The following DMD variants were observed in gnomAD, a reference collection of about 807,000 sequenced individuals.
DMD encodes the protein mutant dystrophin.
In DMD, 63 loss-of-function variants were observed where a neutral mutation model predicts 330.1. The ratio of observed to expected loss-of-function variants is 0.19; its 90% CI spans 0.16 to 0.24. The LOEUF is 0.24. DMD is among the 10% of genes least tolerant of loss of function. The probability of loss-of-function intolerance (pLI) is 1.00; values close to 1 mark genes in which losing one functional copy is unlikely to be tolerated. For synonymous variants in DMD, 1,223 were observed against 959.8 expected (o/e 1.27, Z -5.07); for missense variants, 3,344 against 2,684.1 (o/e 1.25, Z -5.43).
At chrX:32,240,702 T>G (rs2097205117) in intron 43 of DMD, among the ~76,000 whole-genome samples, 2 of 111,474 alleles carry the variant, frequency 1.8e-5, no homozygotes, top group African/African-American at 6.5e-5. Flanking sequence ...ATGTTGACTT[T>G]AACTTAATCC....
intron 44 of DMD, among the ~76,000 whole-genome samples, chrX:32,210,938 T>C (rs2097091518): frequency 8.9e-6 from 1 of 111,992 alleles, no homozygotes; most frequent in Non-Finnish European, 1.9e-5. Context: ...TCCAACTCCA[T>C]TGTGCTCTCT....
intron 9 of DMD, among the ~76,000 whole-genome samples, chrX:32,693,350 C>A (rs2063420199): frequency 1.8e-5 from 2 of 111,995 alleles, no homozygotes; most frequent in African/African-American, 6.5e-5. Context: ...GTTGTTGCAT[C>A]AAAAATCGAA....
At chrX:32,119,479 G>A (rs956482356) in intron 44 of DMD, among the ~76,000 whole-genome samples, 1 of 111,224 alleles carries the variant, frequency 9.0e-6, no homozygotes, top group East Asian at 2.8e-4. Context: ...CTCCTAGTGC[G>A]GTTGTATGCT....
At chrX:32,963,634 C>G (rs911775453) in intron 2 of DMD, among the ~76,000 whole-genome samples, 16 of 112,235 alleles carry the variant, frequency 1.4e-4, no homozygotes, top group African/African-American at 4.5e-4. Context: ...TTACTGCTTC[C>G]TTGTTAACGC....
chrX:32,655,636 C>A lies in DMD; in HGVS notation c.961-10484G>T, dbSNP rs140629188. The stretch of plus-strand genomic sequence containing the variant: ...ATCTGTTGATTAGGGGTGGAGAGTT[C>A]TGTAGATGTCTATGAGGTCCGCTTG... On this transcript the variant is annotated intron_variant, in intron 9 of 78. Transcript: ENST00000357033. Among the ~76,000 whole-genome samples, 319 of 111,906 alleles carry A rather than the reference C, an allele frequency of 2.9e-3. 1 individual carries two copies. Among genetic ancestry groups the A allele is most frequent in the African/African-American group, 8.3e-3 (257 of 30,834 alleles).
intron 44 of DMD, among the ~76,000 whole-genome samples, chrX:32,215,729 C>T (rs2097109951): frequency 9.0e-6 from 1 of 111,240 alleles, no homozygotes; most frequent in Admixed American, 9.5e-5. Context: ...GCAGAAACCC[C>T]ATTATGCTAC....
At chrX:32,801,286 C>G (rs1400611202) in intron 7 of DMD, among the ~76,000 whole-genome samples, 1 of 111,553 alleles carries the variant, frequency 9.0e-6, no homozygotes, top group Admixed American at 9.5e-5. Flanking sequence ...TGATGATGAA[C>G]TTTTTTTTCA....
intron 62 of DMD, among the ~76,000 whole-genome samples, chrX:31,309,542 A>C (rs143572803): frequency 0.011 from 1,191 of 111,553 alleles, 16 homozygotes; most frequent in African/African-American, 0.036. Context: ...TTTAAACTAA[A>C]ATAAACACAA....
At chrX:31,693,757 C>G (rs1004995828) in intron 52 of DMD, among the ~76,000 whole-genome samples, 1 of 111,496 alleles carries the variant, frequency 9.0e-6, no homozygotes, top group South Asian at 3.7e-4. Context: ...CTATAAGACA[C>G]TGACGAAAGA....
At chrX:33,157,831 C>G (rs2048580697) in intron 1 of DMD, among the ~76,000 whole-genome samples, 2 of 111,792 alleles carry the variant, frequency 1.8e-5, no homozygotes, top group Admixed American at 1.9e-4. Context: ...GTGGCACACT[C>G]CTGTAATCCC....
chrX:32,826,744 A>C, intron 4 of DMD, among the ~76,000 whole-genome samples: 1 of 111,339 alleles, frequency 9.0e-6, no homozygotes, highest in Non-Finnish European at 1.9e-5. Context: ...ACTAAATTAC[A>C]TTTAATAGGA....
chrX:32,478,388 A>G (rs772077820), intron 21 of DMD, among the ~76,000 whole-genome samples: 70 of 111,786 alleles, frequency 6.3e-4, no homozygotes, highest in African/African-American at 1.8e-3. Flanking sequence ...TGATCAATCT[A>G]AAGTCAAGGA....
chrX:32,161,826 A>G (rs1465454896), intron 44 of DMD, among the ~76,000 whole-genome samples: 2 of 112,122 alleles, frequency 1.8e-5, no homozygotes, highest in Non-Finnish European at 3.8e-5. Context: ...CCAAGAAGAT[A>G]GTACACCCTA....
At chrX:31,476,315 T>C (rs2067738989) in intron 59 of DMD, among the ~76,000 whole-genome samples, 1 of 105,362 alleles carries the variant, frequency 9.5e-6, no homozygotes, top group African/African-American at 3.4e-5. Flanking sequence ...TCTATATCTA[T>C]ATCTATGTGT....
intron 11 of DMD, among the ~76,000 whole-genome samples, chrX:32,620,795 T>C (rs761463338): frequency 9.8e-5 from 11 of 111,917 alleles, no homozygotes; most frequent in South Asian, 3.7e-4. Context: ...CAAAAATAAT[T>C]AGAATATAAG....
At position 32,406,051 on chromosome X, in the gene DMD, T is replaced by C. The variant is rs775671332; in HGVS notation, c.4233+5701A>G. On this transcript the variant is annotated intron_variant, in intron 30 of 78. Coordinates refer to ENST00000357033, the MANE Select transcript of DMD (RefSeq NM_004006.3). ...AGTTCACTCATGATTTGGCTCTCTG[T>C]TTGTCTGTTATTGGTGTATAAGAAT... Among the ~76,000 whole-genome samples, 5 of 111,555 alleles carry C rather than the reference T, an allele frequency of 4.5e-5. No individual in the cohort carries two copies. In the East Asian group the frequency reaches 1.4e-3, roughly 32 times the overall value.
intron 1 of DMD, among the ~76,000 whole-genome samples, chrX:33,206,609 C>T (rs1454069987): frequency 5.4e-5 from 6 of 111,772 alleles, no homozygotes; most frequent in East Asian, 2.8e-4. Context: ...ACATATACTA[C>T]GCAAAGTCAC....
At chrX:32,656,942 C>G (rs1226173396) in intron 9 of DMD, among the ~76,000 whole-genome samples, 1 of 110,579 alleles carries the variant, frequency 9.0e-6, no homozygotes, top group African/African-American at 3.3e-5. Context: ...TCCCAATATT[C>G]CTATTCATAT....
At chrX:32,357,660 T>TACACACACACACACAC (rs3044986) in intron 37 of DMD, among the ~76,000 whole-genome samples, 22 of 94,864 alleles carry the variant, frequency 2.3e-4, no homozygotes, top group African/African-American at 8.2e-4. Flanking sequence ...CATACACAGA[T>TACACACACACACACAC]ACACACACAC....
Sources: gnomAD v4.1 joint callset for allele counts (sites outside exome capture counted in the v4.1 genomes callset) on GRCh38, gnomAD v4.1.1 for gene constraint, MANE v1.5 for transcripts, NCBI Gene and HGNC (gene_info 2026-07-23, HGNC 2026-07-21) for gene names.